POU2F1: variants seen among roughly 807,000 people sequenced by gnomAD.
The protein encoded by POU2F1 is POU class 2 homeobox 1.
A neutral mutation model predicts 84.9 loss-of-function variants in POU2F1; 16 were observed. The observed-to-expected ratio is 0.19, with a 90% CI of 0.13 to 0.29. The LOEUF is 0.29. Ranked by LOEUF, POU2F1 falls within the 10% of genes least tolerant of loss-of-function variation. The pLI, the probability that POU2F1 is intolerant of heterozygous loss-of-function variation, is 1.00. For missense variants in POU2F1, 738 were observed against 942.6 expected, an observed-to-expected ratio of 0.78 and a Z score of 2.84; for synonymous variants, 368 against 368.3, an observed-to-expected ratio of 1.00 and a Z score of 0.01.
chr1:167,320,113 A>G (rs367999445), intron 1 of POU2F1, among the ~76,000 whole-genome samples: 267 of 150,504 alleles, frequency 1.8e-3, no homozygotes, highest in African/African-American at 6.2e-3. Context: ...GCTGTTTGCA[A>G]TTGGGTAAGT....
chr1:167,395,965 T>G (rs139524310), intron 9 of POU2F1, among the ~76,000 whole-genome samples: 145 of 152,324 alleles, frequency 9.5e-4, no homozygotes, highest in Middle Eastern at 6.8e-3. Flanking sequence ...TTAAGGGGCT[T>G]GTTAGAATAT....
intron 1 of POU2F1, among the ~76,000 whole-genome samples, chr1:167,317,567 T>C (rs1397820891): frequency 6.6e-6 from 1 of 152,182 alleles, no homozygotes; most frequent in Non-Finnish European, 1.5e-5. Flanking sequence ...ATAGATTAAC[T>C]AAAACAGGAA....
chr1:167,369,113 A>C (rs890807398), intron 3 of POU2F1, among the ~76,000 whole-genome samples: 1 of 151,898 alleles, frequency 6.6e-6, no homozygotes, highest in African/African-American at 2.4e-5. Flanking sequence ...CTCCCTCCTC[A>C]GTCTTTCTTT....
chr1:167,384,792 C>T (rs1254710690), intron 8 of POU2F1, among the ~76,000 whole-genome samples: 1 of 151,550 alleles, frequency 6.6e-6, no homozygotes. Context: ...AGATCAGAAA[C>T]AAGGCAAAGT....
chr1:167,261,421 C>T (rs982178173), intron 1 of POU2F1, among the ~76,000 whole-genome samples: 5 of 152,124 alleles, frequency 3.3e-5, no homozygotes, highest in Admixed American at 3.3e-4. Context: ...TGAGCATGAA[C>T]GGTTGTAGGT....
chr1:167,333,368 A>T, intron 2 of POU2F1, among the ~76,000 whole-genome samples: 1 of 152,170 alleles, frequency 6.6e-6, no homozygotes, highest in Non-Finnish European at 1.5e-5. Flanking sequence ...GAAACCAAAT[A>T]AGAAGACAGT....
In POU2F1 at chr1:167,267,630, CTT is replaced by C. The variant is rs71073658; in HGVS notation, c.61+46696_61+46697del. 1.7e-4 allele frequency among the ~76,000 whole-genome samples: 12 copies of C among 70,476 alleles called. No homozygotes were observed. The East Asian group carries it at 2.5e-3, about 14-fold the overall frequency. 46.2% of individuals were successfully genotyped at this position (70,476 alleles called of 152,430 possible). On this transcript the variant is annotated intron_variant, in intron 1 of 15. Transcript: ENST00000367866. ...TGTGAAAGTATCACAGTTACTGTGT[CTT>C]TTTTTTTTTTTTTTTTTTTTTTTGA...
At chr1:167,406,607 A>C (rs553059004) in intron 13 of POU2F1, among the ~76,000 whole-genome samples, 3 of 152,312 alleles carry the variant, frequency 2.0e-5, no homozygotes, top group Admixed American at 6.5e-5. Context: ...TATATGTATA[A>C]AAATACTAAG....
At chr1:167,316,336 A>G (rs1655897201) in intron 1 of POU2F1, among the ~76,000 whole-genome samples, 1 of 152,252 alleles carries the variant, frequency 6.6e-6, no homozygotes, top group Admixed American at 6.5e-5. Context: ...TAGTAATTTC[A>G]AAATAAAAAG....
At chr1:167,230,810 G>A (rs886409536) in intron 1 of POU2F1, among the ~76,000 whole-genome samples, 3 of 152,186 alleles carry the variant, frequency 2.0e-5, no homozygotes, top group Non-Finnish European at 4.4e-5. Context: ...GGACAGAGTA[G>A]GCCTAGACAT....
chr1:167,227,428 T>C (rs1487092839), intron 1 of POU2F1, among the ~76,000 whole-genome samples: 1 of 152,178 alleles, frequency 6.6e-6, no homozygotes, highest in Non-Finnish European at 1.5e-5. Flanking sequence ...ATATGCTGTG[T>C]GTTAAACGAC....
rs1010708986 is a variant in POU2F1 at position 167,420,394 on chromosome 1, T to C, written c.*4584T>C. ...GGCCAGGCTTTTTGAACTCCTGACCTTAGGTGATCTGCCTGCCTTGGCCTC... is the reference window on the plus strand; with the variant it reads ...GGCCAGGCTTTTTGAACTCCTGACCCTAGGTGATCTGCCTGCCTTGGCCTC... On this transcript the variant is annotated 3_prime_UTR_variant, in exon 16 of 16. Coordinates refer to ENST00000367866, the MANE Select transcript of POU2F1 (RefSeq NM_002697.4). 1 of 152,210 alleles carries C rather than the reference T, an allele frequency of 6.6e-6. No individual in the cohort carries two copies. Among genetic ancestry groups the C allele is most frequent in the Non-Finnish European group, 1.5e-5 (1 of 68,110 alleles). 9.4% of individuals were successfully genotyped at this position (152,210 alleles called of 1,614,324 possible).
chr1:167,402,267 A>G (rs1649267773), intron 13 of POU2F1, among the ~76,000 whole-genome samples: 1 of 152,224 alleles, frequency 6.6e-6, no homozygotes, highest in African/African-American at 2.4e-5. Flanking sequence ...GTTATTTGCT[A>G]GTACATCATT....
rs759900398 is a variant in POU2F1 at position 167,399,204 on chromosome 1, G to A, written c.1288G>A (p.Glu430Lys). 1 of 1,611,854 alleles carries A rather than the reference G, an allele frequency of 6.2e-7. No individual in the cohort carries two copies. Among genetic ancestry groups the A allele is most frequent in the Non-Finnish European group, 8.5e-7 (1 of 1,178,966 alleles). ...SFLENQKPTS[E>K]EITMIADQLN... The stretch of plus-strand genomic sequence containing the variant: ...CCTGCAGAATCAAAAGCCTACCTCG[G>A]AAGAGATCACTATGATTGCTGATCA... The change falls in exon 12 of 16, where the codon GAA becomes AAA. Residue 430 changes from glutamate (E) to lysine (K), a missense_variant. This residue lies in a region of POU2F1 where 95 missense variants were observed against 195.1 expected (regional missense o/e 0.49). Transcript: ENST00000367866.
chr1:167,265,346 C>T (rs1335340066), intron 1 of POU2F1, among the ~76,000 whole-genome samples: 2 of 152,150 alleles, frequency 1.3e-5, no homozygotes, highest in African/African-American at 2.4e-5. Context: ...GATAAGATAA[C>T]TTAAGTTTTT....
At chr1:167,280,361 T>G (rs1220588160) in intron 1 of POU2F1, among the ~76,000 whole-genome samples, 3 of 141,554 alleles carry the variant, frequency 2.1e-5, no homozygotes, top group Admixed American at 7.0e-5. Context: ...TTATGTAGGG[T>G]TTTTTTTTTT....
At chr1:167,386,357 G>T (rs116081537) in intron 8 of POU2F1, among the ~76,000 whole-genome samples, 320 of 152,274 alleles carry the variant, frequency 2.1e-3, no homozygotes, top group African/African-American at 7.4e-3. Flanking sequence ...ACCATGCCCA[G>T]CTATTTTTTG....
intron 1 of POU2F1, among the ~76,000 whole-genome samples, chr1:167,314,762 G>A (rs1318486163): frequency 6.6e-6 from 1 of 152,140 alleles, no homozygotes; most frequent in Admixed American, 6.5e-5. Context: ...TGACAAAAGT[G>A]AGACCTTATC....
At chr1:167,322,039 T>C (rs1656349104) in intron 1 of POU2F1, among the ~76,000 whole-genome samples, 1 of 152,216 alleles carries the variant, frequency 6.6e-6, no homozygotes, top group Admixed American at 6.5e-5. Context: ...CTATGTTAAA[T>C]TGAGCAGATT....
Sources: allele counts gnomAD v4.1 joint callset (sites outside exome capture counted in the v4.1 genomes callset), GRCh38; gene constraint gnomAD v4.1.1; regional missense constraint gnomAD v4.1.1; transcripts MANE v1.5; gene names NCBI Gene and HGNC (gene_info 2026-07-23, HGNC 2026-07-21).